The following MAST4 variants were observed in gnomAD, a reference collection of about 807,000 sequenced individuals.
MAST4 encodes the protein microtubule associated serine/threonine kinase family member 4.
A neutral mutation model predicts 162.7 loss-of-function variants in MAST4; 89 were observed. The ratio of observed to expected loss-of-function variants is 0.55; its 90% confidence interval spans 0.46 to 0.65. MAST4 has a LOEUF of 0.65. MAST4 is among the 30% of genes least tolerant of loss of function. MAST4 has a pLI of 0.00. For synonymous variants in MAST4, 1,479 were observed against 1,361.1 expected, an observed-to-expected ratio of 1.09 and a Z score of -1.91; for missense variants, 3,153 against 3,374.0, an observed-to-expected ratio of 0.93 and a Z score of 1.62.
rs540879524 is a variant in MAST4, at chr5:66,949,400, G to A, written c.674+49418G>A. Among the ~76,000 whole-genome samples, 71 of 152,204 alleles carry A rather than the reference G, an allele frequency of 4.7e-4. 1 individual carries two copies. The highest frequency in any genetic ancestry group is 2.8e-3 in the Admixed American group (42 of 15,270). On this transcript the variant is annotated intron_variant, in intron 4 of 28. Transcript: ENST00000403625. ...TTCTCATGGTAGTGAGTGAGTTCTC[G>A]TGAGATCTGATGGTTTTATTATATA...
intron 1 of MAST4, among the ~76,000 whole-genome samples, chr5:66,733,244 C>T (rs1189210627): frequency 1.2e-4 from 18 of 152,248 alleles, no homozygotes; most frequent in African/African-American, 4.3e-4. Flanking sequence ...CTCCCTCCAA[C>T]TCTTCTCTCT....
intron 2 of MAST4, among the ~76,000 whole-genome samples, chr5:66,773,353 C>A (rs1404122710): frequency 2.0e-5 from 3 of 152,176 alleles, no homozygotes; most frequent in African/African-American, 7.2e-5. Flanking sequence ...GTCTGCCTAG[C>A]AAGATAATTT....
intron 1 of MAST4, among the ~76,000 whole-genome samples, chr5:66,728,520 C>T (rs984814763): frequency 5.3e-5 from 8 of 152,150 alleles, no homozygotes; most frequent in South Asian, 2.1e-4. Context: ...TAGTCCTTTG[C>T]GTCGTAGGTC....
At chr5:67,026,051 A>G (rs1754607565) in intron 4 of MAST4, among the ~76,000 whole-genome samples, 1 of 152,246 alleles carries the variant, frequency 6.6e-6, no homozygotes. Context: ...TTGAAATACA[A>G]AAAAGCTAAA....
At chr5:66,690,751 G>A (rs1382760663) in intron 1 of MAST4, among the ~76,000 whole-genome samples, 1 of 152,190 alleles carries the variant, frequency 6.6e-6, no homozygotes, top group East Asian at 1.9e-4. Context: ...AAGAGAGCCA[G>A]AGCAATGGAG....
chr5:67,085,695 G>A (rs745657252), intron 5 of MAST4, among the ~76,000 whole-genome samples: 5 of 152,110 alleles, frequency 3.3e-5, no homozygotes, highest in South Asian at 2.1e-4. Context: ...TTCCACTGAC[G>A]GCCAATCAAG....
chr5:66,973,152 A>T (rs535258562), intron 4 of MAST4, among the ~76,000 whole-genome samples: 2 of 152,218 alleles, frequency 1.3e-5, no homozygotes, highest in South Asian at 4.1e-4. Context: ...TTCACCCCTA[A>T]ATACTTAAGC....
intron 3 of MAST4, among the ~76,000 whole-genome samples, chr5:66,894,857 A>G (rs866697577): frequency 2.0e-5 from 3 of 152,074 alleles, no homozygotes; most frequent in Non-Finnish European, 4.4e-5. Flanking sequence ...CTCCCACTAT[A>G]CTAGTGAGGG....
chr5:66,801,241 C>T (rs1755904119), intron 3 of MAST4, among the ~76,000 whole-genome samples: 1 of 152,088 alleles, frequency 6.6e-6, no homozygotes, highest in Non-Finnish European at 1.5e-5. Context: ...AGGACATTTA[C>T]TGTAGAATTT....
chr5:66,977,358 C>T (rs776462494), intron 4 of MAST4, among the ~76,000 whole-genome samples: 37 of 152,154 alleles, frequency 2.4e-4, no homozygotes, highest in Non-Finnish European at 4.7e-4. Flanking sequence ...GCCTCAGTCT[C>T]CCAAAGTGCT....
intron 1 of MAST4, among the ~76,000 whole-genome samples, chr5:66,624,461 T>C (rs1744292652): frequency 6.6e-6 from 1 of 152,104 alleles, no homozygotes; most frequent in African/African-American, 2.4e-5. Flanking sequence ...CCTGTTTAAA[T>C]GTTTATACTA....
intron 14 of MAST4, among the ~76,000 whole-genome samples, chr5:67,125,429 T>A (rs2150969421): frequency 6.6e-6 from 1 of 151,766 alleles, no homozygotes; most frequent in South Asian, 2.1e-4. Context: ...CAGGCCCCAG[T>A]GTGTGATGTT....
At chr5:66,924,767 A>G (rs1200868468) in intron 4 of MAST4, among the ~76,000 whole-genome samples, 1 of 152,220 alleles carries the variant, frequency 6.6e-6, no homozygotes, top group African/African-American at 2.4e-5. Context: ...AAATACAGAT[A>G]AGAAAAAATG....
At chr5:66,866,427 T>G (rs1760526609) in intron 3 of MAST4, among the ~76,000 whole-genome samples, 1 of 152,208 alleles carries the variant, frequency 6.6e-6, no homozygotes, top group Admixed American at 6.5e-5. Context: ...AACGGCACAT[T>G]TCTTTGATGT....
chr5:66,675,087 C>T (rs937037716), intron 1 of MAST4, among the ~76,000 whole-genome samples: 3 of 152,196 alleles, frequency 2.0e-5, no homozygotes, highest in African/African-American at 7.2e-5. Flanking sequence ...CGTATGCATT[C>T]TGAACTGCCC....
Position 66,794,323 on chromosome 5 carries a change from C to T in MAST4, c.642+5529C>T, listed in dbSNP as rs572147357. Among the ~76,000 whole-genome samples the T allele has an allele frequency of 5.8e-4, 88 of 152,264 alleles. No homozygotes were observed. In the South Asian group the frequency reaches 0.017, roughly 30 times the overall value. On this transcript the variant is annotated intron_variant, in intron 3 of 28. Transcript: ENST00000403625. ...CCTCAGTTAGGGCTGACTGTGTAGACTTCAGCTTCTTCCTTTGTGTAGTGG... is the reference window on the plus strand; with the variant it reads ...CCTCAGTTAGGGCTGACTGTGTAGATTTCAGCTTCTTCCTTTGTGTAGTGG...
chr5:66,652,120 T>C (rs1746264468), intron 1 of MAST4, among the ~76,000 whole-genome samples: 1 of 152,164 alleles, frequency 6.6e-6, no homozygotes, highest in South Asian at 2.1e-4. Flanking sequence ...TACATTGTTG[T>C]ATACTGGGTA....
At chr5:66,629,953 G>A (rs1744691199) in intron 1 of MAST4, among the ~76,000 whole-genome samples, 2 of 152,118 alleles carry the variant, frequency 1.3e-5, no homozygotes, top group African/African-American at 4.8e-5. Context: ...AGGATGGAGT[G>A]GTGGGCTTTT....
At chr5:66,969,216 C>T (rs1241577787) in intron 4 of MAST4, among the ~76,000 whole-genome samples, 1 of 152,098 alleles carries the variant, frequency 6.6e-6, no homozygotes, top group Non-Finnish European at 1.5e-5. Context: ...AGCTGCCATT[C>T]TCCATTTCAG....
Sources: allele counts gnomAD v4.1 joint callset (sites outside exome capture counted in the v4.1 genomes callset), GRCh38; gene constraint gnomAD v4.1.1; transcripts MANE v1.5; gene names NCBI Gene and HGNC (gene_info 2026-07-23, HGNC 2026-07-21).